ARSF: variants seen among roughly 807,000 people sequenced by gnomAD.
The protein encoded by ARSF is arylsulfatase F.
ARSF carries 33 observed loss-of-function variants against 35.4 expected under a neutral mutation model. That is an observed-to-expected ratio of 0.93 (90% CI 0.71 to 1.25). The LOEUF is 1.25. Among genes scored for constraint, ARSF ranks in the 50% most tolerant of loss-of-function variants. The pLI is 0.00. For synonymous variants in ARSF, 222 were observed against 193.1 expected (o/e 1.15, Z -1.24); for missense variants, 501 against 480.2 (o/e 1.04, Z -0.40).
chrX:3,066,892 T>C (rs1009099407), intron 1 of ARSF: 3 of 96,767 alleles, frequency 3.1e-5, no homozygotes, highest in African/African-American at 1.2e-4. Flanking sequence ...GGAAGGCTTG[T>C]TTGGACACAT....
At chrX:3,051,460 T>C (rs764290194) in intron 1 of ARSF, among the ~76,000 whole-genome samples, 1 of 111,818 alleles carries the variant, frequency 8.9e-6, no homozygotes, top group Non-Finnish European at 1.9e-5. Flanking sequence ...CCGAAGCTAA[T>C]GGAAATAATG....
rs767922644 is a variant in ARSF, at chrX:3,071,990, A to C, written c.12-36A>C. ...GGTGGATCCTGAATCCACCCAGAGA[A>C]GCCTGATACCAATAAAATCCCTGCT... On this transcript the variant is annotated intron_variant, in intron 2 of 10. Transcript: ENST00000381127. The C allele has an allele frequency of 2.5e-6, 3 of 1,206,569 alleles. No individual in the cohort carries two copies. The Admixed American group carries it at 6.5e-5, about 26-fold the overall frequency.
chrX:3,042,418 A>T (rs960881024), intron 1 of ARSF, among the ~76,000 whole-genome samples: 9 of 111,834 alleles, frequency 8.0e-5, no homozygotes, highest in African/African-American at 2.9e-4. Context: ...TTCAATTTAA[A>T]TAAATTGTAT....
intron 1 of ARSF, among the ~76,000 whole-genome samples, chrX:3,042,492 A>G (rs917006270): frequency 5.4e-5 from 6 of 111,227 alleles, no homozygotes; most frequent in South Asian, 3.8e-4. Context: ...ATCTAATTCC[A>G]TGTTTATTTA....
At chrX:3,051,413 A>T (rs2089996611) in intron 1 of ARSF, among the ~76,000 whole-genome samples, 1 of 111,936 alleles carries the variant, frequency 8.9e-6, no homozygotes, top group Non-Finnish European at 1.9e-5. Flanking sequence ...GACCCTTTTC[A>T]TCAGCAGAGG....
chrX:3,111,934 C>G (rs1333575835), intron 10 of ARSF, among the ~76,000 whole-genome samples: 1 of 110,565 alleles, frequency 9.0e-6, no homozygotes, highest in African/African-American at 3.3e-5. Context: ...TGATATCTGA[C>G]AGGAGGAAGA....
At chrX:3,111,840 C>A (rs761137691) in intron 10 of ARSF, among the ~76,000 whole-genome samples, 4 of 109,394 alleles carry the variant, frequency 3.7e-5, no homozygotes, top group Non-Finnish European at 5.7e-5. Flanking sequence ...GCATTAGATT[C>A]TCATACGTAG....
chrX:3,098,355 TAG>T (rs55920719), intron 7 of ARSF, among the ~76,000 whole-genome samples: 1 of 108,929 alleles, frequency 9.2e-6, no homozygotes, highest in Non-Finnish European at 1.9e-5. Context: ...TCAACCCAAA[TAG>T]AGAGAGAGAG....
chrX:3,072,287 T>A, intron 3 of ARSF, 112 bp downstream of exon 3: 2 of 779,574 alleles, frequency 2.6e-6, no homozygotes, highest in Non-Finnish European at 1.8e-6. Flanking sequence ...GACTTTTTTT[T>A]AAGTTACTTT....
At chrX:3,056,064 C>A (rs1295315628) in intron 1 of ARSF, among the ~76,000 whole-genome samples, 1 of 111,002 alleles carries the variant, frequency 9.0e-6, no homozygotes, top group African/African-American at 3.3e-5. Context: ...TGAAGCAATC[C>A]TCCCACCTCA....
In ARSF at chrX:3,112,180, C is replaced by G. The variant is rs1263306775; in HGVS notation, c.1397C>G (p.Ser466Ter). 8.3e-7 allele frequency: 1 copy of G among 1,202,301 alleles called. No homozygotes were observed. The highest frequency in any genetic ancestry group is 2.2e-5 in the Admixed American group (1 of 44,778). The change falls in exon 11 of 11, where the codon TCA (serine) becomes TGA (stop). Residue 466 changes from serine to a stop codon, truncating the protein, a stop_gained. Transcript: ENST00000381127. LOFTEE classifies it low-confidence loss of function (END_TRUNC). ...VRWIPKDDSG[S>*]VWKAHYVTPV... ...TCTCTCTTTTCTCCTCCAGGTGGGT[C>G]AGTTTGGAAGGCTCACTATGTGACC... is the stretch of plus-strand genomic sequence containing the variant.
intron 7 of ARSF, among the ~76,000 whole-genome samples, chrX:3,093,119 C>G (rs750433413): frequency 1.2e-4 from 13 of 111,204 alleles, no homozygotes; most frequent in African/African-American, 3.0e-4. Context: ...TGGCCGAGAT[C>G]GCGCCACTGC....
chrX:3,087,063 T>A (rs1431635706), intron 6 of ARSF, among the ~76,000 whole-genome samples: 1 of 111,380 alleles, frequency 9.0e-6, no homozygotes, highest in African/African-American at 3.3e-5. Context: ...TGCATCTCTC[T>A]TATAAAAGGA....
At chrX:3,077,318 A>C (rs1183558376) in intron 4 of ARSF, among the ~76,000 whole-genome samples, 7 of 112,291 alleles carry the variant, frequency 6.2e-5, no homozygotes. Context: ...GTCTGTCACC[A>C]AAAAATATCT....
At chrX:3,059,347 C>T (rs1371192791) in intron 1 of ARSF, among the ~76,000 whole-genome samples, 2 of 109,173 alleles carry the variant, frequency 1.8e-5, no homozygotes, top group Non-Finnish European at 3.8e-5. Context: ...CAAATAGAAA[C>T]AGCTCCGGTC....
chrX:3,067,174 G>A (rs948556639), intron 1 of ARSF, among the ~76,000 whole-genome samples: 1 of 107,863 alleles, frequency 9.3e-6, no homozygotes, highest in Non-Finnish European at 1.9e-5. Flanking sequence ...GTGTGTCTGT[G>A]TAGTGTGTAT....
At chrX:3,055,498 A>G (rs1335276495) in intron 1 of ARSF, among the ~76,000 whole-genome samples, 47 of 110,691 alleles carry the variant, frequency 4.2e-4, no homozygotes, top group Non-Finnish European at 1.9e-5. Flanking sequence ...AATATAAAGA[A>G]TGATCAAGGA....
intron 7 of ARSF, among the ~76,000 whole-genome samples, chrX:3,091,103 C>G (rs986474350): frequency 9.0e-6 from 1 of 111,157 alleles, no homozygotes; most frequent in Non-Finnish European, 1.9e-5. Flanking sequence ...TTTGTAGAGG[C>G]AAGGTTTTTC....
chrX:3,080,213 T>C (rs765161980), intron 4 of ARSF, among the ~76,000 whole-genome samples: 98 of 88,102 alleles, frequency 1.1e-3, no homozygotes, highest in Non-Finnish European at 1.6e-3. Flanking sequence ...CAGTGGCTCA[T>C]GCCTGTAATC....
Sources: gnomAD v4.1 joint callset for allele counts (sites outside exome capture counted in the v4.1 genomes callset) on GRCh38, gnomAD v4.1.1 for gene constraint, MANE v1.5 for transcripts, NCBI Gene and HGNC (gene_info 2026-07-23, HGNC 2026-07-21) for gene names.